Variants in LOXHD1 observed in about 807,000 individuals in gnomAD.
The protein encoded by LOXHD1 is lipoxygenase homology domain-containing protein 1.
In LOXHD1, 205 loss-of-function variants were observed where a neutral mutation model predicts 248.2. The observed-to-expected ratio is 0.83, with a 90% CI of 0.74 to 0.93. The LOEUF (loss-of-function observed/expected upper bound fraction) is 0.93, where lower values mean the gene tolerates loss of function less well. LOXHD1 is among the 40% of genes least tolerant of loss of function. LOXHD1 has a pLI of 0.00. For synonymous variants in LOXHD1, 1,113 were observed against 1,162.8 expected (o/e 0.96, Z 0.87); for missense variants, 2,930 against 2,971.6 (o/e 0.99, Z 0.33).
intron 26 of LOXHD1, among the ~76,000 whole-genome samples, chr18:46,537,526 G>T (rs2036365119): frequency 6.6e-6 from 1 of 152,090 alleles, no homozygotes; most frequent in Non-Finnish European, 1.5e-5. Flanking sequence ...CCCTTCTCTT[G>T]TGTCTCCCAC....
chr18:46,541,722 T>C, intron 25 of LOXHD1, 54 bp downstream of exon 25: 7 of 1,535,434 alleles, frequency 4.6e-6, no homozygotes, highest in Non-Finnish European at 6.2e-6. Flanking sequence ...TGAGTTGGGG[T>C]AGCTGGTGAT....
In LOXHD1 at chr18:46,560,234, C is replaced by T. The variant is rs1485784156; in HGVS notation, c.2910G>A (p.Met970Ile). The change falls in exon 19 of 41, where the codon ATG becomes ATA. Residue 970 changes from methionine to isoleucine, a missense_variant. Physicochemically the swap from Met to Ile is conservative, Grantham distance 10 (BLOSUM62 1). Coordinates refer to ENST00000642948, the MANE Select transcript of LOXHD1 (RefSeq NM_001384474.1). ...SEESSSEEEEMEEEEEEEEFG... is the reference protein window; with the variant it reads ...SEESSSEEEEIEEEEEEEEFG... ...ACTCCTCCTCTTCCTCCTCTTCTTC[C>T]ATCTCCTCCTCCTCTGACGAGGACT... The T allele has an allele frequency of 1.3e-6, 2 of 1,551,984 alleles. No homozygotes were observed. Among genetic ancestry groups the T allele is most frequent in the Non-Finnish European group, 1.7e-6 (2 of 1,147,092 alleles).
downstream of LOXHD1, chr18:46,477,216 C>T: frequency 1.4e-6 from 1 of 726,554 alleles, no homozygotes; most frequent in Non-Finnish European, 2.5e-6. Context: ...CCAGCCTGGT[C>T]ACTACTGTTA....
intron 20 of LOXHD1, among the ~76,000 whole-genome samples, chr18:46,558,449 C>T (rs1598999512): frequency 1.3e-5 from 2 of 152,112 alleles, no homozygotes; most frequent in African/African-American, 4.8e-5. Context: ...GTTATGTAGT[C>T]CTCTATAGAA....
At position 46,529,125 on chromosome 18, in the gene LOXHD1, C is replaced by A. The variant is rs78378260; in HGVS notation, c.4530+52G>T. Reference sequence around the variant, plus strand: ...AACCAAGAAGAGCTGGCACCTAGATCGCTGGGCCTGGAGAGGAGGGAAGGA... The same window carrying A: ...AACCAAGAAGAGCTGGCACCTAGATAGCTGGGCCTGGAGAGGAGGGAAGGA... On this transcript the variant is annotated intron_variant, in intron 29 of 40. Transcript: ENST00000642948. 3.2e-3 allele frequency: 4,983 copies of A among 1,546,924 alleles called. 129 individuals carry two copies. The African/African-American group carries it at 0.059, about 18-fold the overall frequency.
At chr18:46,496,782 C>A (rs1347915122) in intron 37 of LOXHD1, among the ~76,000 whole-genome samples, 3 of 152,166 alleles carry the variant, frequency 2.0e-5, no homozygotes, top group Admixed American at 6.5e-5. Context: ...GCAGGTGGAT[C>A]CCTTGAGGTC....
At chr18:46,542,887 T>C (rs2036624584) in intron 23 of LOXHD1, 32 bp from the exon 24 acceptor site, 2 of 1,551,580 alleles carry the variant, frequency 1.3e-6, no homozygotes, top group African/African-American at 1.4e-5. Context: ...CATGACTGGC[T>C]GGACCTGAGG....
At chr18:46,585,500 A>G (rs1314738249) in intron 12 of LOXHD1, among the ~76,000 whole-genome samples, 1 of 152,172 alleles carries the variant, frequency 6.6e-6, no homozygotes, top group Non-Finnish European at 1.5e-5. Flanking sequence ...AGTGAAAAAC[A>G]TACACTCTGG....
At chr18:46,575,107 C>A (rs1199460332) in intron 14 of LOXHD1, among the ~76,000 whole-genome samples, 1 of 152,236 alleles carries the variant, frequency 6.6e-6, no homozygotes, top group Non-Finnish European at 1.5e-5. Flanking sequence ...CCAAACACAT[C>A]CCAACTAGAC....
intron 4 of LOXHD1, among the ~76,000 whole-genome samples, chr18:46,632,713 G>A (rs1303338553): frequency 6.6e-6 from 1 of 152,096 alleles, no homozygotes; most frequent in Non-Finnish European, 1.5e-5. Context: ...CTGTTCCCAG[G>A]GATAATAAAT....
At chr18:46,606,344 A>ACT (rs1288610605) in intron 6 of LOXHD1, among the ~76,000 whole-genome samples, 3 of 150,776 alleles carry the variant, frequency 2.0e-5, no homozygotes, top group Non-Finnish European at 4.4e-5. Flanking sequence ...ATATATATAC[A>ACT]CACACACACA....
At chr18:46,543,264 C>G (rs2036644181) in intron 23 of LOXHD1, among the ~76,000 whole-genome samples, 1 of 152,122 alleles carries the variant, frequency 6.6e-6, no homozygotes, top group Non-Finnish European at 1.5e-5. Context: ...TGAGAACATT[C>G]AGTATTTGGT....
intron 9 of LOXHD1, 29 bp from the exon 10 acceptor site, chr18:46,593,789 A>T: frequency 6.4e-7 from 1 of 1,550,554 alleles, no homozygotes; most frequent in Non-Finnish European, 8.7e-7. Context: ...TGCACCATAA[A>T]CTTCAGGAAG....
At chr18:46,520,912 G>C (rs963671076) in intron 33 of LOXHD1, among the ~76,000 whole-genome samples, 185 bp downstream of exon 33, 1 of 152,210 alleles carries the variant, frequency 6.6e-6, no homozygotes, top group Non-Finnish European at 1.5e-5. Context: ...CACGGCAGCA[G>C]ACCAGAAGAG....
chr18:46,507,548 G>T lies in LOXHD1; in HGVS notation c.5682C>A (p.Ser1894Arg), dbSNP rs567349358. ...WTSYTVAVKT[S>R]DILGAGTDAN... ...GGACCCCCGACCCACCCAGGATGTCGCTGGTCTTAACTGCGACGGTGTAGG... is the reference window on the plus strand; with the variant it reads ...GGACCCCCGACCCACCCAGGATGTCTCTGGTCTTAACTGCGACGGTGTAGG... Residue 1894 changes from serine (S) to arginine (R), a missense_variant, in exon 36 of 41, where the codon AGC becomes AGA. Coordinates refer to ENST00000642948, the MANE Select transcript of LOXHD1 (RefSeq NM_001384474.1). The T allele has an allele frequency of 6.4e-7, 1 of 1,551,672 alleles. No homozygotes were observed. Among genetic ancestry groups the T allele is most frequent in the South Asian group, 1.2e-5 (1 of 84,048 alleles).
intron 36 of LOXHD1, among the ~76,000 whole-genome samples, chr18:46,507,067 C>A (rs181237960): frequency 6.6e-6 from 1 of 152,204 alleles, no homozygotes; most frequent in African/African-American, 2.4e-5. Flanking sequence ...TCCATCGGAG[C>A]GTCACCGCAC....
intron 4 of LOXHD1, among the ~76,000 whole-genome samples, chr18:46,629,294 C>A (rs1205622854): frequency 6.6e-6 from 1 of 152,100 alleles, no homozygotes; most frequent in Non-Finnish European, 1.5e-5. Context: ...GCTTTCTGAC[C>A]CAGAGAGTTA....
At chr18:46,591,304 G>A (rs1219818014) in intron 12 of LOXHD1, among the ~76,000 whole-genome samples, 3 of 152,100 alleles carry the variant, frequency 2.0e-5, no homozygotes, top group Admixed American at 6.6e-5. Flanking sequence ...CTTTATTGAG[G>A]GCTACAAAGC....
At chr18:46,495,551 A>G (rs560458156) in intron 37 of LOXHD1, among the ~76,000 whole-genome samples, 1 of 152,306 alleles carries the variant, frequency 6.6e-6, no homozygotes, top group East Asian at 1.9e-4. Flanking sequence ...TCCACTATTC[A>G]ATGTTAGCAC....
Sources: gnomAD v4.1 joint callset for allele counts (sites outside exome capture counted in the v4.1 genomes callset) on GRCh38, gnomAD v4.1.1 for gene constraint, MANE v1.5 for transcripts, NCBI Gene and HGNC (gene_info 2026-07-23, HGNC 2026-07-21) for gene names.